LY96: variants seen among roughly 807,000 people sequenced by gnomAD.
The protein encoded by LY96 is myeloid differentiation protein-2.
LY96 carries 18 observed loss-of-function variants against 18.9 expected under a neutral mutation model. That is an observed-to-expected ratio of 0.95 (90% CI 0.66 to 1.41). The LOEUF is 1.41. Among genes scored for constraint, LY96 ranks in the 40% most tolerant of loss-of-function variants. The pLI, the probability that LY96 is intolerant of heterozygous loss-of-function variation, is 0.00. For synonymous variants in LY96, 66 were observed against 62.6 expected, an observed-to-expected ratio of 1.06 and a Z score of -0.26; for missense variants, 175 against 182.4, an observed-to-expected ratio of 0.96 and a Z score of 0.23.
At chr8:74,032,464 G>C (rs529114726), downstream of LY96, among the ~76,000 whole-genome samples, 236 of 152,338 alleles carry the variant, frequency 1.5e-3, no homozygotes, top group Middle Eastern at 3.4e-3. Context: ...GTCCTGTTCT[G>C]TTCTGATTAC....
At chr8:74,016,648 G>A (rs1034675249) in intron 3 of LY96, among the ~76,000 whole-genome samples, 3 of 152,314 alleles carry the variant, frequency 2.0e-5, no homozygotes, top group African/African-American at 7.2e-5. Flanking sequence ...GTGCCCCTCT[G>A]AGATGAAGCT....
intron 3 of LY96, among the ~76,000 whole-genome samples, chr8:74,024,169 A>C (rs1224630710): frequency 6.6e-6 from 1 of 152,192 alleles, no homozygotes; most frequent in Non-Finnish European, 1.5e-5. Context: ...CCAGATATCC[A>C]AATATCCAAA....
chr8:74,055,456 C>T, the LY96 span, among the ~76,000 whole-genome samples: 1,339 of 152,164 alleles, frequency 8.8e-3, 75 homozygotes, highest in Admixed American at 0.075. Context: ...TTCAAAGTGC[C>T]AGTCATAAGG....
the LY96 span, among the ~76,000 whole-genome samples, chr8:74,082,105 C>T: frequency 1.3e-5 from 2 of 152,132 alleles, no homozygotes; most frequent in Non-Finnish European, 2.9e-5. Flanking sequence ...TTTTGTGCTC[C>T]TCCTTATCCA....
the LY96 span, among the ~76,000 whole-genome samples, chr8:74,046,164 A>G: frequency 3.3e-5 from 5 of 151,990 alleles, no homozygotes; most frequent in East Asian, 1.9e-4. Context: ...CTGTAGTCCC[A>G]GCTACTTGGG....
intron 3 of LY96, among the ~76,000 whole-genome samples, chr8:74,011,395 C>T (rs1816527064): frequency 6.6e-6 from 1 of 152,126 alleles, no homozygotes; most frequent in Admixed American, 6.5e-5. Context: ...GATTTAATTA[C>T]ATCAAAAAGC....
intron 2 of LY96, among the ~76,000 whole-genome samples, chr8:74,008,411 T>G (rs1816460921): frequency 6.6e-6 from 1 of 152,144 alleles, no homozygotes; most frequent in Non-Finnish European, 1.5e-5. Context: ...TTTGGAGAAG[T>G]TCAAGCCCAA....
At chr8:74,062,787 G>T in the LY96 span, among the ~76,000 whole-genome samples, 1 of 152,006 alleles carries the variant, frequency 6.6e-6, no homozygotes. Flanking sequence ...TGAGTTAGTC[G>T]CATGACTAGT....
chr8:74,092,962 T>C, the LY96 span, among the ~76,000 whole-genome samples: 5 of 152,230 alleles, frequency 3.3e-5, no homozygotes, highest in African/African-American at 9.6e-5. Flanking sequence ...TTGATTGTTT[T>C]TCTTTGGTTA....
chr8:74,004,256 G>A (rs1420963232), intron 1 of LY96, among the ~76,000 whole-genome samples: 2 of 152,202 alleles, frequency 1.3e-5, no homozygotes, highest in Non-Finnish European at 2.9e-5. Flanking sequence ...CCAAGCCACT[G>A]CCTTTATTCT....
the LY96 span, among the ~76,000 whole-genome samples, chr8:74,088,134 A>AATGGAATGGAATGGAATGGAATGGAATG: frequency 3.3e-5 from 5 of 150,954 alleles, no homozygotes; most frequent in Middle Eastern, 3.4e-3. Flanking sequence ...AGAATAGAAT[A>AATGGAATGGAATGGAATGGAATGGAATG]GAATAGAATA....
At chr8:74,071,042 A>G in the LY96 span, among the ~76,000 whole-genome samples, 1 of 152,138 alleles carries the variant, frequency 6.6e-6, no homozygotes, top group Non-Finnish European at 1.5e-5. Flanking sequence ...CCCCATTTTA[A>G]AGATGAGAAA....
At chr8:74,053,554 T>G in the LY96 span, among the ~76,000 whole-genome samples, 323 of 152,322 alleles carry the variant, frequency 2.1e-3, 1 homozygote, top group African/African-American at 6.6e-3. Context: ...AGATACTGAA[T>G]CATCCACAGC....
the LY96 span, among the ~76,000 whole-genome samples, chr8:74,080,978 T>TTCTC: frequency 7.1e-3 from 1,004 of 141,188 alleles, 10 homozygotes; most frequent in Middle Eastern, 0.018. Context: ...CTTTCTTTCT[T>TTCTC]TCTCTCTCTT....
At chr8:74,096,714 T>C in the LY96 span, among the ~76,000 whole-genome samples, 5,566 of 152,324 alleles carry the variant, frequency 0.037, 158 homozygotes, top group African/African-American at 0.072. Flanking sequence ...GTCTGTTTTG[T>C]ACCCCAGCAC....
the LY96 span, among the ~76,000 whole-genome samples, chr8:74,083,998 AATCT>A: frequency 6.6e-6 from 1 of 151,662 alleles, no homozygotes; most frequent in Non-Finnish European, 1.5e-5. Flanking sequence ...AAACTTTTCT[AATCT>A]ACAGGTTTCC....
the LY96 span, among the ~76,000 whole-genome samples, chr8:74,072,492 T>C: frequency 6.6e-6 from 1 of 152,226 alleles, no homozygotes; most frequent in African/African-American, 2.4e-5. Flanking sequence ...GGACATTTAG[T>C]TTTTTCCCAA....
chr8:74,081,021 T>TC, the LY96 span, among the ~76,000 whole-genome samples: 1 of 133,314 alleles, frequency 7.5e-6, no homozygotes, highest in Admixed American at 7.6e-5. Context: ...TTTCTTTCTT[T>TC]CTTTCTTTCT....
At chr8:74,025,325 AGCTCAAGAAACACCTCAGGTATCAAC>A (rs1490689410) in intron 3 of LY96, among the ~76,000 whole-genome samples, 1 of 152,172 alleles carries the variant, frequency 6.6e-6, no homozygotes, top group Non-Finnish European at 1.5e-5. Flanking sequence ...CACTTTACTG[AGCTCAAGAAACACCTCAGGTATCAAC>A]TCCTTTAGTA....
Sources: gnomAD v4.1 joint callset for allele counts (sites outside exome capture counted in the v4.1 genomes callset) on GRCh38, gnomAD v4.1.1 for gene constraint, MANE v1.5 for transcripts, NCBI Gene and HGNC (gene_info 2026-07-23, HGNC 2026-07-21) for gene names.